The following RAB5A variants were observed in gnomAD, a reference collection of about 807,000 sequenced individuals.
RAB5A encodes RAB5A, member RAS oncogene family, also known as ras-related protein Rab-5A.
In RAB5A, 8 loss-of-function variants were observed where a neutral mutation model predicts 25.7. The observed-to-expected ratio is 0.31, with a 90% CI of 0.18 to 0.56. The LOEUF (loss-of-function observed/expected upper bound fraction) is 0.56, where lower values mean the gene tolerates loss of function less well. Among genes scored for constraint, RAB5A ranks in the 20% least tolerant of loss-of-function variants. RAB5A has a pLI of 0.91. For missense variants in RAB5A, 192 were observed against 259.7 expected (o/e 0.74, Z 1.79); for synonymous variants, 98 against 89.8 (o/e 1.09, Z -0.52).
At position 19,948,366 on chromosome 3, in the gene RAB5A, C is replaced by G. The variant is rs79973836; in HGVS notation, c.-94+845C>G. On this transcript the variant is annotated intron_variant, in intron 1 of 5. Transcript: ENST00000273047. ...GGGAATACTCAAGACTGCTCATAAA[C>G]TTTATTCCTAAAGTAAAATGGAAGT... 2.7e-3 allele frequency among the ~76,000 whole-genome samples: 407 copies of G among 152,306 alleles called. 2 individuals are homozygous for G. The highest frequency in any genetic ancestry group is 4.3e-3 in the Non-Finnish European group (294 of 68,024).
chr3:19,961,594 T>TC (rs1329538615), intron 2 of RAB5A, among the ~76,000 whole-genome samples: 72 of 152,338 alleles, frequency 4.7e-4, no homozygotes, highest in African/African-American at 1.7e-3. Context: ...ATTTTCATTT[T>TC]TATGCCATCA....
intron 1 of RAB5A, among the ~76,000 whole-genome samples, chr3:19,950,379 A>C (rs1364896794): frequency 2.0e-5 from 3 of 152,252 alleles, no homozygotes; most frequent in Non-Finnish European, 4.4e-5. Flanking sequence ...ATGTTAATCC[A>C]AGTAGCCTGG....
At chr3:19,953,279 T>C (rs745471165) in intron 2 of RAB5A, among the ~76,000 whole-genome samples, 9 of 152,232 alleles carry the variant, frequency 5.9e-5, no homozygotes, top group Admixed American at 1.3e-4. Flanking sequence ...TGTATCTCTA[T>C]ATAATCTCCA....
chr3:19,957,784 T>C (rs1180304795), intron 2 of RAB5A, among the ~76,000 whole-genome samples: 1 of 152,016 alleles, frequency 6.6e-6, no homozygotes, highest in Non-Finnish European at 1.5e-5. Flanking sequence ...ATTACCTTGA[T>C]TTAGTCACCT....
intron 5 of RAB5A, among the ~76,000 whole-genome samples, chr3:19,982,777 AAGAG>A (rs962545249): frequency 6.6e-6 from 1 of 151,472 alleles, no homozygotes; most frequent in Non-Finnish European, 1.5e-5. Flanking sequence ...AAAAAAAAAA[AAGAG>A]AGCATGTATA....
Position 19,983,897 on chromosome 3 carries a change from C to G in RAB5A, c.*74C>G, listed in dbSNP as rs1696981412. ...ATAACAATGGAATTGGAGCATTTAACCAGCCCAGTATGACTTCCAAAAGAA... is the reference window on the plus strand; with the variant it reads ...ATAACAATGGAATTGGAGCATTTAAGCAGCCCAGTATGACTTCCAAAAGAA... On this transcript the variant is annotated 3_prime_UTR_variant, in exon 6 of 6. Transcript: ENST00000273047. 1.0e-6 allele frequency: 1 copy of G among 1,001,314 alleles called. No individual in the cohort carries two copies. Among genetic ancestry groups the G allele is most frequent in the South Asian group, 1.5e-5 (1 of 68,504 alleles). The allele number at this position is 1,001,314 out of a possible 1,614,324, so 62.0% of individuals were successfully genotyped here. A position where few individuals can be genotyped will look rare whatever the true frequency, so the allele number is the denominator to read the frequency against.
chr3:19,964,917 TTTAC>T (rs112608209), intron 2 of RAB5A, among the ~76,000 whole-genome samples: 15 of 148,176 alleles, frequency 1.0e-4, no homozygotes, highest in South Asian at 2.1e-4. Flanking sequence ...ACTCCTAAGA[TTTAC>T]TTACTTACTT....
intron 1 of RAB5A, among the ~76,000 whole-genome samples, chr3:19,949,229 T>G (rs1559484351): frequency 6.6e-6 from 1 of 152,206 alleles, no homozygotes; most frequent in Non-Finnish European, 1.5e-5. Context: ...TATTTCAGTA[T>G]GTAATGGTAA....
chr3:19,965,419 TAA>T (rs35939974), intron 2 of RAB5A, among the ~76,000 whole-genome samples: 24,034 of 141,632 alleles, frequency 0.17, 2,496 homozygotes, highest in Non-Finnish European at 0.24. Flanking sequence ...GACCCTGTCT[TAA>T]AAAAAAAAAA....
intron 2 of RAB5A, among the ~76,000 whole-genome samples, chr3:19,963,270 T>A (rs530338939): frequency 1.3e-5 from 2 of 152,142 alleles, no homozygotes; most frequent in Non-Finnish European, 2.9e-5. Context: ...TCTCTTTTTA[T>A]TATTTTTTAA....
intron 5 of RAB5A, 65 bp downstream of exon 5, chr3:19,978,468 T>G: frequency 7.9e-7 from 1 of 1,272,760 alleles, no homozygotes; most frequent in Non-Finnish European, 1.1e-6. Flanking sequence ...ATATTTGGTT[T>G]GACTGTCTCT....
intron 2 of RAB5A, 29 bp from the exon 3 acceptor site, chr3:19,975,572 A>AT: frequency 1.3e-6 from 2 of 1,599,568 alleles, no homozygotes; most frequent in Non-Finnish European, 1.7e-6. Flanking sequence ...GAGAAAAATG[A>AT]TTGACTTATT....
At chr3:19,970,430 T>G in intron 2 of RAB5A, 1 of 394,482 alleles carries the variant, frequency 2.5e-6, no homozygotes, top group African/African-American at 2.1e-5. Context: ...TGTTACTTGC[T>G]TGCTGCCAGG....
At chr3:19,965,419 TA>T (rs35939974) in intron 2 of RAB5A, among the ~76,000 whole-genome samples, 30,748 of 141,572 alleles carry the variant, frequency 0.22, 3,251 homozygotes, top group African/African-American at 0.31. Flanking sequence ...GACCCTGTCT[TA>T]AAAAAAAAAA....
intron 2 of RAB5A, among the ~76,000 whole-genome samples, chr3:19,970,379 G>A (rs17796230): frequency 0.16 from 24,965 of 152,098 alleles, 2,701 homozygotes; most frequent in Non-Finnish European, 0.24. Flanking sequence ...CTGATTCCAG[G>A]GTCTGTGGTA....
At chr3:19,982,776 AAAGAG>A (rs1006757653) in intron 5 of RAB5A, among the ~76,000 whole-genome samples, 2 of 151,920 alleles carry the variant, frequency 1.3e-5, no homozygotes, top group East Asian at 1.9e-4. Context: ...AAAAAAAAAA[AAAGAG>A]AGCATGTATA....
chr3:19,960,506 T>C (rs889804589), intron 2 of RAB5A, among the ~76,000 whole-genome samples: 9 of 152,070 alleles, frequency 5.9e-5, no homozygotes, highest in Non-Finnish European at 2.9e-5. Flanking sequence ...TCTCCATGTT[T>C]CCCAGGCTGG....
intron 3 of RAB5A, 114 bp downstream of exon 3, chr3:19,975,866 G>T: frequency 7.5e-7 from 1 of 1,338,480 alleles, no homozygotes. Context: ...CCTTTCTGCT[G>T]AAGCTTTTGT....
intron 2 of RAB5A, among the ~76,000 whole-genome samples, chr3:19,954,881 C>T (rs11128929): frequency 0.14 from 21,746 of 152,146 alleles, 1,635 homozygotes; most frequent in South Asian, 0.21. Flanking sequence ...ACCCCTATAG[C>T]ACTTCTGATG....
Sources: allele counts gnomAD v4.1 joint callset (sites outside exome capture counted in the v4.1 genomes callset), GRCh38; gene constraint gnomAD v4.1.1; transcripts MANE v1.5; gene names NCBI Gene and HGNC (gene_info 2026-07-23, HGNC 2026-07-21).